Variants in TMEM184C observed in about 807,000 individuals in gnomAD.
TMEM184C encodes the protein transmembrane protein 34.
In TMEM184C, 25 loss-of-function variants were observed where a neutral mutation model predicts 54.5. That is an observed-to-expected ratio of 0.46 (90% CI 0.33 to 0.64). TMEM184C has a LOEUF of 0.64. Among genes scored for constraint, TMEM184C ranks in the 30% least tolerant of loss-of-function variants. The pLI is 0.02. For synonymous variants in TMEM184C, 148 were observed against 181.5 expected (o/e 0.82, Z 1.49); for missense variants, 335 against 520.3 (o/e 0.64, Z 3.46).
chr4:147,624,558 CTCTT>C (rs1276732470), intron 3 of TMEM184C, among the ~76,000 whole-genome samples: 4 of 152,124 alleles, frequency 2.6e-5, no homozygotes, highest in Non-Finnish European at 5.9e-5. Context: ...TTTAGCTTCT[CTCTT>C]TATTCATTAT....
rs1295282542 is a variant in TMEM184C, at chr4:147,617,988, G to A, written c.32G>A (p.Arg11Lys). Reference sequence around the variant, plus strand: ...TGCACTTGTACCTGGAGGAACTGGAGACAGTGGATTCGACCTTTAGTAGCG... The same window carrying A: ...TGCACTTGTACCTGGAGGAACTGGAAACAGTGGATTCGACCTTTAGTAGCG... MPCTCTWRNW[R>K]QWIRPLVAVI... is the part of the protein sequence containing the mutation. The change falls in exon 1 of 10, where the codon AGA becomes AAA. Residue 11 changes from arginine to lysine, a missense_variant. Arg to Lys is a conservative substitution (Grantham distance 26). Coordinates refer to ENST00000296582, the MANE Select transcript of TMEM184C (RefSeq NM_018241.3). The A allele has an allele frequency of 6.2e-7, 1 of 1,614,194 alleles. No individual in the cohort carries two copies. The highest frequency in any genetic ancestry group is 2.2e-5 in the East Asian group (1 of 44,890).
chr4:147,635,324 A>C lies in TMEM184C; in HGVS notation c.*890A>C, dbSNP rs970230187. On this transcript the variant is annotated 3_prime_UTR_variant, in exon 10 of 10. Coordinates refer to ENST00000296582, the MANE Select transcript of TMEM184C (RefSeq NM_018241.3). ...GGCACAGTGAAAAAGAAGTCAAAAAAAAAAGTTCTACTTTTCATCAGTGCT... is the reference window on the plus strand; with the variant it reads ...GGCACAGTGAAAAAGAAGTCAAAAACAAAAGTTCTACTTTTCATCAGTGCT... The C allele has an allele frequency of 1.3e-5, 2 of 152,232 alleles. No homozygotes were observed. Among genetic ancestry groups the C allele is most frequent in the African/African-American group, 4.8e-5 (2 of 41,460 alleles). 9.4% of individuals were successfully genotyped at this position (152,232 alleles called of 1,614,324 possible).
chr4:147,631,233 A>T (rs1053722314), intron 6 of TMEM184C, among the ~76,000 whole-genome samples, 160 bp from the exon 7 acceptor site: 1 of 152,182 alleles, frequency 6.6e-6, no homozygotes, highest in South Asian at 2.1e-4. Flanking sequence ...ATATTCATCT[A>T]TAGTAAACTA....
intron 1 of TMEM184C, 139 bp downstream of exon 1, chr4:147,618,218 CCTGT>C (rs1196664990): frequency 4.8e-5 from 61 of 1,269,416 alleles, no homozygotes; most frequent in South Asian, 2.1e-4. Context: ...AGGATATAAA[CCTGT>C]CTAATTTCTT....
Position 147,631,467 on chromosome 4 carries a change from A to G in TMEM184C, c.741A>G (p.Lys247=), listed in dbSNP as rs1253527931. ...EELSPIQPVG[K]FLCVKLVVFV... ...TGAGCCCAATCCAACCTGTTGGCAA[A>G]TTTCTTTGTGTAAAGCTGGTGGTTT... The change falls in exon 7 of 10, where the codon AAA becomes AAG. Residue 247 remains lysine, a synonymous_variant. Coordinates refer to ENST00000296582, the MANE Select transcript of TMEM184C (RefSeq NM_018241.3). 10 of 1,608,084 alleles carry G rather than the reference A, an allele frequency of 6.2e-6. No homozygotes were observed. Among genetic ancestry groups the G allele is most frequent in the Non-Finnish European group, 8.5e-6 (10 of 1,178,834 alleles).
chr4:147,617,874 A>T lies in TMEM184C; in HGVS notation c.-83A>T. 4.4e-6 allele frequency: 7 copies of T among 1,589,408 alleles called. No individual in the cohort carries two copies. Among genetic ancestry groups the T allele is most frequent in the Non-Finnish European group, 6.0e-6 (7 of 1,161,920 alleles). On this transcript the variant is annotated 5_prime_UTR_variant, in exon 1 of 10. An upstream open reading frame in the 5' UTR gains an earlier in-frame stop. Coordinates refer to ENST00000296582, the MANE Select transcript of TMEM184C (RefSeq NM_018241.3). ...TTTTCTCCGTAGTATGCGAGTTGAC[A>T]AAACAGCCAGAGAACAGGGCTCCCC... is the stretch of plus-strand genomic sequence containing the variant.
chr4:147,621,485 A>T (rs1002354024), intron 1 of TMEM184C, among the ~76,000 whole-genome samples: 1 of 152,212 alleles, frequency 6.6e-6, no homozygotes, highest in African/African-American at 2.4e-5. Flanking sequence ...AATGTGTCTC[A>T]AATTTGAATA....
rs1483626240 is a variant in TMEM184C at position 147,634,353 on chromosome 4, C to T, written c.1236C>T (p.Thr412=). The T allele has an allele frequency of 2.5e-6, 4 of 1,614,022 alleles. No individual in the cohort carries two copies. Among genetic ancestry groups the T allele is most frequent in the East Asian group, 2.2e-5 (1 of 44,884 alleles). Residue 412 remains threonine, a synonymous_variant, in exon 10 of 10, where the codon ACC becomes ACT. Transcript: ENST00000296582. ...CTGTGACTCCCCAGACTACACCTAC[C>T]ACAGCTAAGATATCTGATGAAATCC... ...GHTVTPQTTP[T]TAKISDEILS...
chr4:147,634,787 C>CATGATTTTG lies in TMEM184C; in HGVS notation c.*353_*354insATGATTTTG. 5.9e-6 allele frequency: 1 copy of CATGATTTTG among 170,700 alleles called. No homozygotes were observed. The highest frequency in any genetic ancestry group is 1.2e-5 in the Non-Finnish European group (1 of 80,168). The allele number at this position is 170,700 out of a possible 1,614,324, so 10.6% of individuals were successfully genotyped here. On this transcript the variant is annotated 3_prime_UTR_variant, in exon 10 of 10. Coordinates refer to ENST00000296582, the MANE Select transcript of TMEM184C (RefSeq NM_018241.3). ...TGTCACCCAGGCTGGAGTGCAGTGGCGCAATCTCGGGTCACTGCAAGCTCT... is the reference window on the plus strand; with the variant it reads ...TGTCACCCAGGCTGGAGTGCAGTGGCATGATTTTGGCAATCTCGGGTCACTGCAAGCTCT...
Position 147,632,898 on chromosome 4 carries a change from T to C in TMEM184C, c.780-5T>C. On this transcript the variant is annotated splice_region_variant and splice_polypyrimidine_tract_variant and intron_variant, in intron 7 of 9. Transcript: ENST00000296582. The stretch of plus-strand genomic sequence containing the variant: ...ATTTGGCGTTTACCTTTTCCTAACA[T>C]ATAGGCAAGCAGTAGTTATTGCTTT... 6.2e-7 allele frequency: 1 copy of C among 1,613,082 alleles called. No homozygotes were observed. The highest frequency in any genetic ancestry group is 8.5e-7 in the Non-Finnish European group (1 of 1,179,400).
In TMEM184C at chr4:147,624,098, TGTAA is replaced by T. The variant is rs771232925; in HGVS notation, c.291+4_291+7del. ...TGGTACCTATTTACAGTTTAGATAG[TGTAA>T]GTATGTTTCATTTTTATCTCATTAA... On this transcript the variant is annotated splice_donor_variant and splice_donor_region_variant and intron_variant, in intron 3 of 9. Transcript: ENST00000296582. LOFTEE classifies it high-confidence loss of function. The T allele has an allele frequency of 1.9e-6, 3 of 1,595,478 alleles. No homozygotes were observed. Among genetic ancestry groups the T allele is most frequent in the Admixed American group, 1.7e-5 (1 of 59,384 alleles).
intron 4 of TMEM184C, among the ~76,000 whole-genome samples, chr4:147,627,407 C>T (rs1408768379): frequency 6.6e-6 from 1 of 152,160 alleles, no homozygotes; most frequent in Non-Finnish European, 1.5e-5. Flanking sequence ...TCTCATGCCT[C>T]AGCCTCCCAA....
At chr4:147,628,079 A>C (rs1009659199) in intron 4 of TMEM184C, among the ~76,000 whole-genome samples, 2 of 152,246 alleles carry the variant, frequency 1.3e-5, no homozygotes, top group Non-Finnish European at 2.9e-5. Context: ...GGATCACTTG[A>C]GCACAGAAGG....
At chr4:147,632,875 T>A in intron 7 of TMEM184C, 28 bp from the exon 8 acceptor site, 1 of 1,597,326 alleles carries the variant, frequency 6.3e-7, no homozygotes, top group Non-Finnish European at 8.6e-7. Flanking sequence ...TGATATAGAT[T>A]TGGCGTTTAC....
In TMEM184C at chr4:147,629,714, C is replaced by T. The variant is rs543949477; in HGVS notation, c.666+22C>T. 4.6e-6 allele frequency: 7 copies of T among 1,520,756 alleles called. No individual in the cohort carries two copies. In the African/African-American group the frequency reaches 8.5e-5, roughly 18 times the overall value. The allele number at this position is 1,520,756 out of a possible 1,614,324, so 94.2% of individuals were successfully genotyped here. A position where few individuals can be genotyped will look rare whatever the true frequency, so the allele number is the denominator to read the frequency against. On this transcript the variant is annotated intron_variant, in intron 6 of 9. Coordinates refer to ENST00000296582, the MANE Select transcript of TMEM184C (RefSeq NM_018241.3). Reference sequence around the variant, plus strand: ...GTTGGTAAGTAAAATGTTCACTTTTCTTAAACTGTACTAAATTCGTATCTA... The same window carrying T: ...GTTGGTAAGTAAAATGTTCACTTTTTTTAAACTGTACTAAATTCGTATCTA...
intron 4 of TMEM184C, among the ~76,000 whole-genome samples, chr4:147,627,506 G>A (rs1578859861): frequency 6.6e-6 from 1 of 152,174 alleles, no homozygotes; most frequent in South Asian, 2.1e-4. Flanking sequence ...CTGCTCTCAA[G>A]TGATCCACCT....
rs775705913 is a variant in TMEM184C, at chr4:147,623,985, T to C, written c.254+21T>C. 1.9e-6 allele frequency: 3 copies of C among 1,613,302 alleles called. No homozygotes were observed. The Admixed American group carries it at 5.0e-5, about 27-fold the overall frequency. On this transcript the variant is annotated intron_variant, in intron 2 of 9. Coordinates refer to ENST00000296582, the MANE Select transcript of TMEM184C (RefSeq NM_018241.3). ...ATAAGGTATGTCTTAATAATTTTGA[T>C]TCCACTACTGTTGTGTTGGCTTATT...
intron 7 of TMEM184C, 103 bp from the exon 8 acceptor site, chr4:147,632,800 G>A (rs1014754943): frequency 1.2e-6 from 1 of 849,730 alleles, no homozygotes; most frequent in African/African-American, 1.7e-5. Flanking sequence ...GGTGGTGGTG[G>A]TACACAGGTT....
chr4:147,620,302 G>A (rs1732686072), intron 1 of TMEM184C, among the ~76,000 whole-genome samples: 1 of 151,986 alleles, frequency 6.6e-6, no homozygotes, highest in Non-Finnish European at 1.5e-5. Context: ...AAATGACTGA[G>A]TCCCAGTGAT....
Sources: gnomAD v4.1 joint callset for allele counts (sites outside exome capture counted in the v4.1 genomes callset) on GRCh38, gnomAD v4.1.1 for gene constraint, MANE v1.5 for transcripts, NCBI Gene and HGNC (gene_info 2026-07-23, HGNC 2026-07-21) for gene names.